RALYL: variants seen among roughly 807,000 people sequenced by gnomAD.
The protein encoded by RALYL is RALY RNA binding protein like, also known as RNA-binding Raly-like protein.
A neutral mutation model predicts 35.1 loss-of-function variants in RALYL; 29 were observed. The observed-to-expected ratio is 0.83, with a 90% CI of 0.61 to 1.13. The LOEUF (loss-of-function observed/expected upper bound fraction) is 1.13. Among genes scored for constraint, RALYL ranks in the 50% most tolerant of loss-of-function variants. RALYL has a pLI of 0.00. For missense variants in RALYL, 359 were observed against 360.4 expected (o/e 1.00, Z 0.03); for synonymous variants, 120 against 127.6 (o/e 0.94, Z 0.40).
chr8:84,231,370 A>G (rs1275178401), intron 1 of RALYL, among the ~76,000 whole-genome samples: 1 of 152,214 alleles, frequency 6.6e-6, no homozygotes, highest in Non-Finnish European at 1.5e-5. Flanking sequence ...CAAATATTGT[A>G]TGACTTTTAT....
At chr8:84,416,364 G>C (rs2044698020) in intron 1 of RALYL, among the ~76,000 whole-genome samples, 1 of 152,196 alleles carries the variant, frequency 6.6e-6, no homozygotes, top group Non-Finnish European at 1.5e-5. Flanking sequence ...ACTAGTCTGT[G>C]CAGGAGTGGA....
chr8:84,609,381 G>T (rs1331513851), intron 2 of RALYL, among the ~76,000 whole-genome samples: 1 of 152,074 alleles, frequency 6.6e-6, no homozygotes, highest in East Asian at 1.9e-4. Flanking sequence ...AATTATATAC[G>T]TGAAAGTATT....
chr8:84,235,767 C>CTTTTTTTTTTTTTTTT (rs556495836), intron 1 of RALYL, among the ~76,000 whole-genome samples: 2 of 126,936 alleles, frequency 1.6e-5, no homozygotes, highest in Non-Finnish European at 3.3e-5. Flanking sequence ...TTTTCTTTTT[C>CTTTTTTTTTTTTTTTT]TTTTTTTTTT....
intron 1 of RALYL, among the ~76,000 whole-genome samples, chr8:84,367,341 T>TTTTTG (rs1854648718): frequency 2.9e-5 from 2 of 68,094 alleles, no homozygotes; most frequent in Non-Finnish European, 5.0e-5. Context: ...TTTTTTTTTT[T>TTTTTG]TTTTTTTTTT....
At chr8:84,208,346 A>G (rs568564507) in intron 1 of RALYL, among the ~76,000 whole-genome samples, 15 of 152,310 alleles carry the variant, frequency 9.8e-5, no homozygotes, top group African/African-American at 2.6e-4. Context: ...TATCGGATGT[A>G]CTGGCAGATT....
At chr8:84,680,975 T>C (rs1000886769) in intron 2 of RALYL, among the ~76,000 whole-genome samples, 1 of 152,036 alleles carries the variant, frequency 6.6e-6, no homozygotes, top group Non-Finnish European at 1.5e-5. Flanking sequence ...AGGGTTTTTA[T>C]GGTTTTAGGT....
At chr8:84,441,482 A>G (rs2048324672) in intron 1 of RALYL, among the ~76,000 whole-genome samples, 1 of 152,156 alleles carries the variant, frequency 6.6e-6, no homozygotes, top group Non-Finnish European at 1.5e-5. Context: ...ATAAAGTGGA[A>G]GAAAGCTTTG....
At chr8:84,521,681 T>G (rs898018657) in intron 1 of RALYL, among the ~76,000 whole-genome samples, 23 of 152,228 alleles carry the variant, frequency 1.5e-4, no homozygotes, top group Non-Finnish European at 2.8e-4. Context: ...CAAATAATTG[T>G]TTAACATGGA....
At chr8:84,914,510 T>C (rs541754189) in intron 8 of RALYL, among the ~76,000 whole-genome samples, 29 of 151,938 alleles carry the variant, frequency 1.9e-4, no homozygotes, top group Non-Finnish European at 3.1e-4. Flanking sequence ...CAGAGTACAA[T>C]TGGAATAAAA....
Position 84,217,607 on chromosome 8 carries a change from C to T in RALYL, c.-24+33183C>T, listed in dbSNP as rs73295650. 8.4e-4 allele frequency among the ~76,000 whole-genome samples: 127 copies of T among 152,048 alleles called. 1 individual carries two copies. Among genetic ancestry groups the T allele is most frequent in the African/African-American group, 2.7e-3 (113 of 41,508 alleles). Reference sequence around the variant, plus strand: ...AAGTTGGAAACGTAAGGTTTTTATACCACTCATATATACGATTTTTTAAAG... The same window carrying T: ...AAGTTGGAAACGTAAGGTTTTTATATCACTCATATATACGATTTTTTAAAG... On this transcript the variant is annotated intron_variant, in intron 1 of 8. Coordinates refer to ENST00000521268, the MANE Select transcript of RALYL (RefSeq NM_173848.7).
At chr8:84,818,877 A>G (rs963211102) in intron 4 of RALYL, among the ~76,000 whole-genome samples, 3 of 152,158 alleles carry the variant, frequency 2.0e-5, no homozygotes, top group Non-Finnish European at 4.4e-5. Flanking sequence ...TGGTGTCTTA[A>G]AGTTTTCTCA....
intron 1 of RALYL, among the ~76,000 whole-genome samples, chr8:84,194,091 A>G (rs191016781): frequency 2.6e-5 from 4 of 152,358 alleles, no homozygotes; most frequent in Admixed American, 2.6e-4. Context: ...CTAGCGTTTG[A>G]CAGTGGAACA....
chr8:84,473,316 A>C (rs1177248854), intron 1 of RALYL, among the ~76,000 whole-genome samples: 1 of 151,100 alleles, frequency 6.6e-6, no homozygotes, highest in East Asian at 1.9e-4. Flanking sequence ...ATTTAAAAAT[A>C]TTAGTTTTTA....
At chr8:84,853,393 CAGAT>C (rs1046124616) in intron 5 of RALYL, among the ~76,000 whole-genome samples, 4 of 152,264 alleles carry the variant, frequency 2.6e-5, no homozygotes, top group Admixed American at 6.5e-5. Context: ...GATAGATCGA[CAGAT>C]AGATAGATAG....
At chr8:84,302,995 A>G (rs1004825832) in intron 1 of RALYL, among the ~76,000 whole-genome samples, 2 of 152,214 alleles carry the variant, frequency 1.3e-5, no homozygotes, top group African/African-American at 2.4e-5. Context: ...TTTGTGTACT[A>G]GAGAATTTTA....
intron 1 of RALYL, among the ~76,000 whole-genome samples, chr8:84,342,537 G>A (rs1309465961): frequency 6.6e-6 from 1 of 151,652 alleles, no homozygotes; most frequent in East Asian, 1.9e-4. Context: ...AATCACTGAA[G>A]TAGGTGTTTC....
At chr8:84,326,117 A>C (rs1845748996) in intron 1 of RALYL, among the ~76,000 whole-genome samples, 1 of 152,220 alleles carries the variant, frequency 6.6e-6, no homozygotes, top group African/African-American at 2.4e-5. Flanking sequence ...GTCTCAAAAC[A>C]AAGCAAAACA....
rs540642935 is a variant in RALYL at position 84,799,573 on chromosome 8, G to A, written c.333-5197G>A. On this transcript the variant is annotated intron_variant, in intron 3 of 8. Coordinates refer to ENST00000521268, the MANE Select transcript of RALYL (RefSeq NM_173848.7). ...GAACTAGAAATGTTGTTGGAAAGGA[G>A]TTCATGAGAATGATTCCAGTCTTTC... Among the ~76,000 whole-genome samples, 76 of 152,316 alleles carry A rather than the reference G, an allele frequency of 5.0e-4. 3 individuals are homozygous for A. In the South Asian group the frequency reaches 0.014, roughly 27 times the overall value.
At chr8:84,237,764 A>G (rs1006965826) in intron 1 of RALYL, among the ~76,000 whole-genome samples, 8 of 152,134 alleles carry the variant, frequency 5.3e-5, no homozygotes, top group African/African-American at 1.9e-4. Flanking sequence ...ACAACCCACA[A>G]CTCAGAAGAA....
Sources: allele counts gnomAD v4.1 joint callset (sites outside exome capture counted in the v4.1 genomes callset), GRCh38; gene constraint gnomAD v4.1.1; transcripts MANE v1.5; gene names NCBI Gene and HGNC (gene_info 2026-07-23, HGNC 2026-07-21).